The following VPS35L variants were observed in gnomAD, a reference collection of about 807,000 sequenced individuals.
VPS35L encodes the protein VPS35 endosomal protein sorting factor like, also known as VPS35 endosomal protein-sorting factor-like.
In VPS35L, 83 loss-of-function variants were observed where a neutral mutation model predicts 133.0. That is an observed-to-expected ratio of 0.62 (90% CI 0.52 to 0.75). The LOEUF is 0.75. VPS35L is among the 30% of genes least tolerant of loss of function. The pLI is 0.00. For synonymous variants in VPS35L, 423 were observed against 449.9 expected, an observed-to-expected ratio of 0.94 and a Z score of 0.76; for missense variants, 1,083 against 1,206.8, an observed-to-expected ratio of 0.90 and a Z score of 1.52.
intron 3 of VPS35L, among the ~76,000 whole-genome samples, chr16:19,571,759 G>T (rs995546346): frequency 1.3e-5 from 2 of 151,588 alleles, no homozygotes; most frequent in African/African-American, 4.8e-5. Context: ...TGGCCAGGCT[G>T]GTCTCGAACT....
chr16:19,616,062 A>G (rs1054298882), intron 12 of VPS35L, 52 bp from the exon 13 acceptor site: 14 of 1,398,594 alleles, frequency 1.0e-5, no homozygotes, highest in Admixed American at 1.9e-5. Context: ...CAAAAATAAA[A>G]TCATACTATA....
chr16:19,648,477 A>G (rs1450445268), intron 24 of VPS35L, among the ~76,000 whole-genome samples: 1 of 152,186 alleles, frequency 6.6e-6, no homozygotes, highest in Non-Finnish European at 1.5e-5. Flanking sequence ...TTCTTACGTA[A>G]CAAGAGGTTC....
Position 19,669,297 on chromosome 16 carries a change from C to T in VPS35L, c.2359C>T (p.Pro787Ser). ...TTTCTTTTCTACTTTATTAATAGTT[C>T]CGGTACGTTTCCTCAGCAGAACCGC... is the stretch of plus-strand genomic sequence containing the variant. The part of the protein sequence containing the change: ...CNFFSTLLIV[P>S]DHPEHGVLFL... The change falls in exon 27 of 31, where the codon CCG (proline) becomes TCG (serine). Residue 787 changes from proline to serine, a missense_variant and splice_region_variant. By Grantham distance (74) the Pro-to-Ser change is moderately conservative. Transcript: ENST00000417362. 2 of 1,606,968 alleles carry T rather than the reference C, an allele frequency of 1.2e-6. No homozygotes were observed. The highest frequency in any genetic ancestry group is 8.5e-7 in the Non-Finnish European group (1 of 1,174,908).
intron 7 of VPS35L, among the ~76,000 whole-genome samples, chr16:19,585,481 C>T (rs1300008558): frequency 6.6e-6 from 1 of 151,346 alleles, no homozygotes; most frequent in African/African-American, 2.4e-5. Flanking sequence ...TAGCTCACTC[C>T]AGCCTCAAAC....
At chr16:19,606,904 C>T (rs1406418445) in intron 9 of VPS35L, among the ~76,000 whole-genome samples, 8 of 152,188 alleles carry the variant, frequency 5.3e-5, no homozygotes, top group Non-Finnish European at 1.0e-4. Flanking sequence ...GCCACCTCAG[C>T]CTTCCAAGTA....
intron 27 of VPS35L, among the ~76,000 whole-genome samples, chr16:19,674,358 AT>A (rs112106302): frequency 0.25 from 37,188 of 146,896 alleles, 4,847 homozygotes; most frequent in Non-Finnish European, 0.28. Flanking sequence ...CACCTGGCTA[AT>A]TTTTTTTTTG....
At position 19,695,201 on chromosome 16, in the gene VPS35L, A is replaced by G. The variant is rs530116397; in HGVS notation, c.2646+3730A>G. Among the ~76,000 whole-genome samples, 23 of 152,330 alleles carry G rather than the reference A, an allele frequency of 1.5e-4. No individual in the cohort carries two copies. In the South Asian group the frequency reaches 4.6e-3, roughly 30 times the overall value. ...TGTGTGTTTGACAAGCCACACCCAC[A>G]GAACACTTGACATGTGGTTCAAAAT... is the stretch of plus-strand genomic sequence containing the variant. On this transcript the variant is annotated intron_variant, in intron 29 of 30. Coordinates refer to ENST00000417362, the MANE Select transcript of VPS35L (RefSeq NM_020314.7).
intron 27 of VPS35L, among the ~76,000 whole-genome samples, chr16:19,671,968 C>T (rs1349248674): frequency 6.6e-6 from 1 of 152,128 alleles, no homozygotes; most frequent in Non-Finnish European, 1.5e-5. Context: ...GCTCACAAAT[C>T]AGCATTTTTA....
chr16:19,661,216 G>C (rs888779578), intron 26 of VPS35L, among the ~76,000 whole-genome samples: 1 of 151,328 alleles, frequency 6.6e-6, no homozygotes, highest in Non-Finnish European at 1.5e-5. Flanking sequence ...TTGGTATTCT[G>C]TTTCTTCTTT....
At chr16:19,584,165 G>T (rs2151520257) in intron 7 of VPS35L, among the ~76,000 whole-genome samples, 1 of 152,212 alleles carries the variant, frequency 6.6e-6, no homozygotes, top group East Asian at 1.9e-4. Context: ...CAGTAAACAT[G>T]GTACTGCTGG....
chr16:19,594,650 AAAAAAAAAAAAAAAAAAAAAAG>A (rs1242477576), intron 8 of VPS35L, among the ~76,000 whole-genome samples: 1 of 140,910 alleles, frequency 7.1e-6, no homozygotes, highest in African/African-American at 2.9e-5. Context: ...GTCTCAAAAA[AAAAAAAAAAAAAAAAAAAAAAG>A]AAGAGAAAAA....
At chr16:19,570,165 A>G (rs1971318031) in intron 3 of VPS35L, among the ~76,000 whole-genome samples, 1 of 152,114 alleles carries the variant, frequency 6.6e-6, no homozygotes, top group Non-Finnish European at 1.5e-5. Flanking sequence ...TCCGGGTTCA[A>G]GCAATTCTCT....
At chr16:19,624,107 C>CT (rs1182015325) in intron 14 of VPS35L, among the ~76,000 whole-genome samples, 2,420 of 65,854 alleles carry the variant, frequency 0.037, 517 homozygotes, top group East Asian at 0.16. Context: ...CCTACCAGGT[C>CT]TTTTTTTTTT....
At chr16:19,612,968 C>T (rs894888640) in intron 12 of VPS35L, among the ~76,000 whole-genome samples, 5 of 152,160 alleles carry the variant, frequency 3.3e-5, no homozygotes, top group African/African-American at 7.2e-5. Flanking sequence ...GCATTGATTC[C>T]GCTGGTTGGG....
At chr16:19,673,734 C>G (rs190827755) in intron 27 of VPS35L, among the ~76,000 whole-genome samples, 340 of 152,308 alleles carry the variant, frequency 2.2e-3, no homozygotes, top group African/African-American at 7.6e-3. Context: ...GCTAACGCCA[C>G]TCATTAATAC....
chr16:19,610,228 T>G, intron 11 of VPS35L, 94 bp from the exon 12 acceptor site: 21 of 1,096,810 alleles, frequency 1.9e-5, no homozygotes, highest in African/African-American at 3.1e-5. Flanking sequence ...CCCCCCTCCC[T>G]GAAATTTAGG....
chr16:19,688,978 C>T (rs1033232764), intron 28 of VPS35L, among the ~76,000 whole-genome samples: 4 of 151,998 alleles, frequency 2.6e-5, no homozygotes, highest in Admixed American at 1.3e-4. Flanking sequence ...TGGGATACTA[C>T]GCAGACATGA....
chr16:19,691,959 C>G (rs561033972), intron 29 of VPS35L, among the ~76,000 whole-genome samples: 1 of 152,008 alleles, frequency 6.6e-6, no homozygotes, highest in African/African-American at 2.4e-5. Flanking sequence ...ACTGCAACCT[C>G]CGCCTCCCGG....
At chr16:19,672,822 G>C (rs774133865) in intron 27 of VPS35L, among the ~76,000 whole-genome samples, 15 of 152,136 alleles carry the variant, frequency 9.9e-5, no homozygotes, top group Non-Finnish European at 1.5e-4. Context: ...AAAAATCAGG[G>C]TTTTGAATTA....
Sources: gnomAD v4.1 joint callset for allele counts (sites outside exome capture counted in the v4.1 genomes callset) on GRCh38, gnomAD v4.1.1 for gene constraint, MANE v1.5 for transcripts, NCBI Gene and HGNC (gene_info 2026-07-23, HGNC 2026-07-21) for gene names.